PJA2: variants seen among roughly 807,000 people sequenced by gnomAD.
The protein encoded by PJA2 is E3 ubiquitin-protein ligase Praja-2.
In PJA2, 25 loss-of-function variants were observed where a neutral mutation model predicts 69.3. The ratio of observed to expected loss-of-function variants is 0.36; its 90% CI spans 0.26 to 0.50. PJA2 has a LOEUF of 0.50. PJA2 is among the 20% of genes least tolerant of loss of function. The pLI is 0.96. For missense variants in PJA2, 809 were observed against 830.2 expected (o/e 0.97, Z 0.31); for synonymous variants, 308 against 277.8 (o/e 1.11, Z -1.08).
intron 1 of PJA2, among the ~76,000 whole-genome samples, chr5:109,385,628 A>T (rs1444444544): frequency 1.3e-5 from 2 of 152,216 alleles, no homozygotes; most frequent in African/African-American, 4.8e-5. Context: ...GGGAGTTGTC[A>T]GTGTATAGAT....
At position 109,357,049 on chromosome 5, in the gene PJA2, T is replaced by C. The variant is rs548159027; in HGVS notation, c.1653-1023A>G. Reference sequence around the variant, plus strand: ...CTTGCTCCCTTGGAAATTATTAATATATTCAAGCCCATTTTCTTCAATTAT... The same window carrying C: ...CTTGCTCCCTTGGAAATTATTAATACATTCAAGCCCATTTTCTTCAATTAT... On this transcript the variant is annotated intron_variant, in intron 6 of 9. Coordinates refer to ENST00000361189, the MANE Select transcript of PJA2 (RefSeq NM_014819.5). Among the ~76,000 whole-genome samples the C allele has an allele frequency of 7.2e-5, 11 of 152,298 alleles. No homozygotes were observed. The East Asian group carries it at 1.5e-3, about 21-fold the overall frequency.
chr5:109,409,947 TGGCGGCTGTGGCGGCGGC>T lies in PJA2; in HGVS notation c.-211_-194del, dbSNP rs901793477. ...CCTCCCCCGCCGAACGCGAAGCGGC[TGGCGGCTGTGGCGGCGGC>T]GGCGGCGGTGGCGGCGGCGGAAGCA... On this transcript the variant is annotated 5_prime_UTR_variant, in exon 1 of 10. Transcript: ENST00000361189. 1.4e-5 allele frequency: 3 copies of T among 210,250 alleles called. No homozygotes were observed. Among genetic ancestry groups the T allele is most frequent in the African/African-American group, 4.8e-5 (2 of 41,812 alleles). 13.0% of individuals were successfully genotyped at this position (210,250 alleles called of 1,614,324 possible).
chr5:109,395,010 T>G (rs1230523163), intron 1 of PJA2, among the ~76,000 whole-genome samples: 2 of 152,186 alleles, frequency 1.3e-5, no homozygotes, highest in Admixed American at 6.5e-5. Flanking sequence ...ACTATCTGTA[T>G]GAGCCAACAA....
At chr5:109,394,275 T>G (rs1747354209) in intron 1 of PJA2, among the ~76,000 whole-genome samples, 1 of 151,964 alleles carries the variant, frequency 6.6e-6, no homozygotes, top group African/African-American at 2.4e-5. Context: ...CTCAAACTCC[T>G]GACCTTAAGT....
chr5:109,376,371 A>C (rs1178799877), intron 4 of PJA2, among the ~76,000 whole-genome samples: 2 of 152,014 alleles, frequency 1.3e-5, no homozygotes, highest in Non-Finnish European at 2.9e-5. Flanking sequence ...AACTATGAAA[A>C]GTCCAGGGTC....
chr5:109,363,046 G>A (rs1440887399), intron 5 of PJA2, 24 bp from the exon 6 acceptor site: 2 of 1,529,478 alleles, frequency 1.3e-6, no homozygotes, highest in Admixed American at 1.9e-5. Flanking sequence ...TTTAAAGGAA[G>A]AAAAAAATAT....
chr5:109,343,027 C>G (rs1406393717), intron 9 of PJA2, among the ~76,000 whole-genome samples: 2 of 101,884 alleles, frequency 2.0e-5, no homozygotes, highest in East Asian at 2.2e-4. Context: ...TCATTGAGAA[C>G]GGGCCAGGAT....
intron 7 of PJA2, among the ~76,000 whole-genome samples, chr5:109,354,251 A>G (rs1415413570): frequency 6.7e-6 from 1 of 149,182 alleles, no homozygotes; most frequent in Non-Finnish European, 1.5e-5. Context: ...TATAGATTAG[A>G]TATCTATGAT....
At chr5:109,353,576 A>T (rs1762322088) in intron 7 of PJA2, among the ~76,000 whole-genome samples, 2 of 144,776 alleles carry the variant, frequency 1.4e-5, no homozygotes, top group South Asian at 4.5e-4. Flanking sequence ...AATATCATAG[A>T]CATCTATATA....
rs1017990224 is a variant in PJA2 at position 109,336,792 on chromosome 5, A to C, written c.*439T>G. ...AGCAAAATCAAAGGGACTAGTGAAA[A>C]AGCATACTTTAGAATTTGTTTCATT... On this transcript the variant is annotated 3_prime_UTR_variant, in exon 10 of 10. Coordinates refer to ENST00000361189, the MANE Select transcript of PJA2 (RefSeq NM_014819.5). 1 of 152,570 alleles carries C rather than the reference A, an allele frequency of 6.6e-6. No homozygotes were observed. The highest frequency in any genetic ancestry group is 1.9e-4 in the East Asian group (1 of 5,222). The allele number at this position is 152,570 out of a possible 1,614,324, so 9.5% of individuals were successfully genotyped here.
chr5:109,408,537 C>CAA (rs576057624), intron 1 of PJA2, among the ~76,000 whole-genome samples: 2,250 of 145,134 alleles, frequency 0.016, 53 homozygotes, highest in African/African-American at 0.054. Flanking sequence ...TAGCCTCCCT[C>CAA]AAAAAAAAAA....
At chr5:109,399,274 T>C (rs550042142) in intron 1 of PJA2, among the ~76,000 whole-genome samples, 116 of 150,426 alleles carry the variant, frequency 7.7e-4, no homozygotes, top group Middle Eastern at 3.5e-3. Flanking sequence ...TACAGCATCA[T>C]TGGCCCATAC....
At chr5:109,408,069 T>G (rs1471954859) in intron 1 of PJA2, among the ~76,000 whole-genome samples, 1 of 152,102 alleles carries the variant, frequency 6.6e-6, no homozygotes, top group African/African-American at 2.4e-5. Flanking sequence ...TTACCAAAAT[T>G]TAAAATATGC....
At chr5:109,370,223 T>A (rs1277171380) in intron 4 of PJA2, among the ~76,000 whole-genome samples, 2 of 152,148 alleles carry the variant, frequency 1.3e-5, no homozygotes, top group African/African-American at 2.4e-5. Context: ...CCATTTTGGT[T>A]AAGAATCTCC....
intron 1 of PJA2, among the ~76,000 whole-genome samples, chr5:109,398,266 C>T (rs1378176428): frequency 6.6e-6 from 1 of 152,076 alleles, no homozygotes; most frequent in Admixed American, 6.5e-5. Context: ...CCCAGCCATC[C>T]CATTACTGGG....
intron 2 of PJA2, 104 bp from the exon 3 acceptor site, chr5:109,381,807 C>A: frequency 2.2e-6 from 2 of 905,980 alleles, no homozygotes; most frequent in South Asian, 1.7e-5. Flanking sequence ...TTTATCAAAT[C>A]ATATGCTTCT....
intron 4 of PJA2, among the ~76,000 whole-genome samples, chr5:109,371,940 T>C (rs895746652): frequency 1.3e-5 from 2 of 152,232 alleles, no homozygotes; most frequent in Admixed American, 6.5e-5. Flanking sequence ...AATAGTTCAC[T>C]GGGTTCATGT....
intron 5 of PJA2, 149 bp from the exon 6 acceptor site, chr5:109,363,171 A>G: frequency 1.7e-6 from 1 of 603,448 alleles, no homozygotes; most frequent in Non-Finnish European, 2.6e-6. Flanking sequence ...CCTTAACTGC[A>G]GAATTATGTA....
intron 7 of PJA2, among the ~76,000 whole-genome samples, chr5:109,353,563 TATA>T (rs201418774): frequency 0.012 from 1,723 of 143,576 alleles, 34 homozygotes; most frequent in African/African-American, 0.037. Flanking sequence ...ATTAGATATC[TATA>T]ATATCATAGA....
Sources: gnomAD v4.1 joint callset for allele counts (sites outside exome capture counted in the v4.1 genomes callset) on GRCh38, gnomAD v4.1.1 for gene constraint, MANE v1.5 for transcripts, NCBI Gene and HGNC (gene_info 2026-07-23, HGNC 2026-07-21) for gene names.